RANBP17: variants seen among roughly 807,000 people sequenced by gnomAD.
RANBP17 encodes the protein ran-binding protein 17.
RANBP17 carries 158 observed loss-of-function variants against 141.2 expected under a neutral mutation model. The ratio of observed to expected loss-of-function variants is 1.12; its 90% CI spans 0.98 to 1.28. The LOEUF is 1.28. RANBP17 is among the 50% of genes most tolerant of loss of function. The pLI is 0.00. For missense variants in RANBP17, 1,438 were observed against 1,290.7 expected, an observed-to-expected ratio of 1.11 and a Z score of -1.75; for synonymous variants, 430 against 450.0, an observed-to-expected ratio of 0.96 and a Z score of 0.56.
intron 20 of RANBP17, among the ~76,000 whole-genome samples, chr5:171,208,204 A>T (rs1278307960): frequency 6.6e-6 from 1 of 152,258 alleles, no homozygotes. Flanking sequence ...ATTATTTGAT[A>T]AAATGCTATT....
chr5:170,926,763 T>C (rs1772962665), intron 12 of RANBP17, among the ~76,000 whole-genome samples: 1 of 152,174 alleles, frequency 6.6e-6, no homozygotes. Flanking sequence ...TTCTTCACTC[T>C]AGCAAGTAGT....
At chr5:171,102,761 G>A (rs1251020177) in intron 14 of RANBP17, among the ~76,000 whole-genome samples, 1 of 151,886 alleles carries the variant, frequency 6.6e-6, no homozygotes, top group African/African-American at 2.4e-5. Context: ...CGATGTTGGT[G>A]ACCTTCGGAT....
At chr5:170,903,333 C>T (rs1770806536) in intron 5 of RANBP17, among the ~76,000 whole-genome samples, 1 of 152,220 alleles carries the variant, frequency 6.6e-6, no homozygotes, top group Non-Finnish European at 1.5e-5. Context: ...CGCCCCTCCC[C>T]CCACCAAGCT....
chr5:171,094,706 A>C (rs1311058226), intron 14 of RANBP17, among the ~76,000 whole-genome samples: 3 of 152,162 alleles, frequency 2.0e-5, no homozygotes, highest in Non-Finnish European at 4.4e-5. Flanking sequence ...ATTATGGAAG[A>C]GTTTGCTGTC....
intron 14 of RANBP17, among the ~76,000 whole-genome samples, chr5:171,143,752 T>C (rs1234181669): frequency 6.6e-6 from 1 of 152,228 alleles, no homozygotes; most frequent in Non-Finnish European, 1.5e-5. Context: ...AATGGAAATG[T>C]ATGAAGTTCC....
chr5:171,030,280 A>G (rs1159136290), intron 14 of RANBP17, among the ~76,000 whole-genome samples: 2 of 152,068 alleles, frequency 1.3e-5, no homozygotes. Context: ...TGGAAAGGCA[A>G]CTTTTTAAAG....
chr5:171,252,117 C>T (rs1765613143), intron 24 of RANBP17: 1 of 1,594,472 alleles, frequency 6.3e-7, no homozygotes, highest in Admixed American at 1.7e-5. Context: ...AGTAATACCT[C>T]CCAAGAAGTT....
At chr5:170,877,070 G>A (rs1768241272) in intron 1 of RANBP17, among the ~76,000 whole-genome samples, 1 of 151,874 alleles carries the variant, frequency 6.6e-6, no homozygotes, top group East Asian at 1.9e-4. Context: ...GTCCCAGATC[G>A]TCATGAGATT....
At chr5:171,210,703 A>G (rs949271257) in intron 20 of RANBP17, among the ~76,000 whole-genome samples, 5 of 152,122 alleles carry the variant, frequency 3.3e-5, no homozygotes, top group African/African-American at 1.2e-4. Context: ...GTGTTCCCCA[A>G]GATTAAAAGC....
chr5:171,186,563 G>A (rs1433932611), intron 18 of RANBP17, among the ~76,000 whole-genome samples: 12 of 35,392 alleles, frequency 3.4e-4, no homozygotes, highest in African/African-American at 7.6e-4. Context: ...TTGAGACGGA[G>A]TCTCGCTCTG....
intron 14 of RANBP17, among the ~76,000 whole-genome samples, chr5:171,097,609 T>TTAC (rs1786785681): frequency 1.7e-5 from 1 of 60,342 alleles, no homozygotes; most frequent in Non-Finnish European, 3.0e-5. Context: ...TGTAGTCTTT[T>TTAC]TATTATTATT....
At chr5:171,256,088 GACC>G (rs548116834) in intron 24 of RANBP17, among the ~76,000 whole-genome samples, 1 of 152,148 alleles carries the variant, frequency 6.6e-6, no homozygotes, top group Non-Finnish European at 1.5e-5. Context: ...GCAGTAGAAA[GACC>G]ACATTTTCAT....
At chr5:170,972,158 C>A (rs1051796328) in intron 14 of RANBP17, among the ~76,000 whole-genome samples, 8 of 147,654 alleles carry the variant, frequency 5.4e-5, no homozygotes, top group Non-Finnish European at 8.9e-5. Flanking sequence ...AAGTATTATG[C>A]AGTTTGGATC....
At chr5:171,062,922 A>G (rs201708527) in intron 14 of RANBP17, among the ~76,000 whole-genome samples, 6,091 of 144,960 alleles carry the variant, frequency 0.042, 156 homozygotes, top group East Asian at 0.12. Flanking sequence ...ATCTTCCATC[A>G]CTGATACCCT....
Position 170,956,569 on chromosome 5 carries a change from A to G in RANBP17, c.1574+2867A>G, listed in dbSNP as rs1036384165. On this transcript the variant is annotated intron_variant, in intron 13 of 27. Coordinates refer to ENST00000523189, the MANE Select transcript of RANBP17 (RefSeq NM_022897.5). ...AACCAAACAAAAAATTTGCTACTCAATCTCTCGAGTAGCTGGGATTATAGG... is the reference window on the plus strand; with the variant it reads ...AACCAAACAAAAAATTTGCTACTCAGTCTCTCGAGTAGCTGGGATTATAGG... 8.3e-4 allele frequency among the ~76,000 whole-genome samples: 126 copies of G among 151,556 alleles called. 1 individual carries two copies. The highest frequency in any genetic ancestry group is 7.2e-4 in the Non-Finnish European group (49 of 67,902).
chr5:171,282,673 T>A (rs920487854), intron 25 of RANBP17, among the ~76,000 whole-genome samples: 2 of 151,806 alleles, frequency 1.3e-5, no homozygotes, highest in Non-Finnish European at 2.9e-5. Flanking sequence ...AGAGACGGGG[T>A]TTCACGATGT....
intron 25 of RANBP17, among the ~76,000 whole-genome samples, chr5:171,268,998 G>A (rs1766924099): frequency 6.6e-6 from 1 of 152,130 alleles, no homozygotes; most frequent in South Asian, 2.1e-4. Flanking sequence ...TCACTTTATA[G>A]CATATGACTA....
chr5:171,125,563 A>G (rs886235754), intron 14 of RANBP17, among the ~76,000 whole-genome samples: 3 of 152,208 alleles, frequency 2.0e-5, no homozygotes, highest in South Asian at 2.1e-4. Context: ...GTCCCCAGCT[A>G]TTATTGTATT....
intron 14 of RANBP17, among the ~76,000 whole-genome samples, chr5:171,062,677 T>G (rs1222541766): frequency 6.6e-6 from 1 of 152,196 alleles, no homozygotes; most frequent in Non-Finnish European, 1.5e-5. Context: ...TGTAGCGTTC[T>G]CTGTATTTCC....
Sources: allele counts gnomAD v4.1 joint callset (sites outside exome capture counted in the v4.1 genomes callset), GRCh38; gene constraint gnomAD v4.1.1; transcripts MANE v1.5; gene names NCBI Gene and HGNC (gene_info 2026-07-23, HGNC 2026-07-21).